The following CCT2 variants were observed in gnomAD, a reference collection of about 807,000 sequenced individuals.
CCT2 encodes chaperonin containing TCP1 subunit 2, also known as T-complex protein 1 subunit beta.
CCT2 carries 18 observed loss-of-function variants against 61.8 expected under a neutral mutation model. The observed-to-expected ratio is 0.29, with a 90% CI of 0.20 to 0.43. The LOEUF (loss-of-function observed/expected upper bound fraction) is 0.43, where lower values mean the gene tolerates loss of function less well. Ranked by LOEUF, CCT2 falls within the 20% of genes least tolerant of loss-of-function variation. CCT2 has a pLI of 1.00. For missense variants in CCT2, 556 were observed against 656.9 expected, an observed-to-expected ratio of 0.85 and a Z score of 1.68; for synonymous variants, 248 against 215.9, an observed-to-expected ratio of 1.15 and a Z score of -1.30.
rs578173150 is a variant in CCT2 at position 69,591,838 on chromosome 12, A to G, written c.650-221A>G. ...TTTCTGCTTATCACTAGAGACAGAA[A>G]CTAAAATCCATGGCTTTCAGGCGCT... On this transcript the variant is annotated intron_variant, in intron 7 of 15. Coordinates refer to ENST00000299300, the MANE Select transcript of CCT2 (RefSeq NM_006431.3). Among the ~76,000 whole-genome samples the G allele has an allele frequency of 1.4e-3, 212 of 152,248 alleles. 1 individual carries two copies. The highest frequency in any genetic ancestry group is 5.0e-3 in the African/African-American group (209 of 41,544).
intron 8 of CCT2, 60 bp downstream of exon 8, chr12:69,592,219 G>A: frequency 7.5e-6 from 7 of 938,610 alleles, no homozygotes; most frequent in Middle Eastern, 2.3e-4. Context: ...GCTCATGCCT[G>A]TAATCCTAGC....
chr12:69,586,630 T>A, intron 2 of CCT2, 123 bp from the exon 3 acceptor site: 1 of 735,070 alleles, frequency 1.4e-6, no homozygotes. Context: ...ATCGCGCCAT[T>A]GCACTCCAGC....
intron 15 of CCT2, among the ~76,000 whole-genome samples, 200 bp from the exon 16 acceptor site, chr12:69,601,095 C>T (rs1274786382): frequency 2.0e-5 from 3 of 152,138 alleles, no homozygotes; most frequent in African/African-American, 7.2e-5. Flanking sequence ...ACTTGGTCAC[C>T]TCTTAAAAGC....
At chr12:69,600,050 AAT>A in intron 15 of CCT2, 46 bp downstream of exon 15, 3 of 1,521,472 alleles carry the variant, frequency 2.0e-6, no homozygotes, top group Admixed American at 1.9e-5. Context: ...AGCAAAACAA[AAT>A]AGGGAGCTGT....
chr12:69,586,307 C>T lies in CCT2; in HGVS notation c.41C>T (p.Ala14Val). Residue 14 changes from alanine to valine, a missense_variant, in exon 2 of 16, where the codon GCA becomes GTA. By Grantham distance (64) the Ala-to-Val change is moderately conservative. Around this residue, in one of 3 missense-constraint regions of CCT2, gnomAD observed 308 missense variants for 350.6 expected, o/e 0.88. Coordinates refer to ENST00000299300, the MANE Select transcript of CCT2 (RefSeq NM_006431.3). ...CTTGCACCTGTTAACATCTTTAAGG[C>T]AGGAGCTGATGAAGAGAGAGCAGAG... ...LSLAPVNIFK[A>V]GADEERAETA... 6.2e-7 allele frequency: 1 copy of T among 1,613,608 alleles called. No homozygotes were observed. The highest frequency in any genetic ancestry group is 8.5e-7 in the Non-Finnish European group (1 of 1,179,560).
chr12:69,597,941 A>G (rs375503893), intron 12 of CCT2, 27 bp from the exon 13 acceptor site: 994 of 1,574,912 alleles, frequency 6.3e-4, no homozygotes, highest in Middle Eastern at 1.3e-3. Flanking sequence ...AAGCATTGCA[A>G]TATTTTATTG....
Position 69,585,623 on chromosome 12 carries a change from C to T in CCT2, c.3+99C>T, listed in dbSNP as rs1049031617. ...CCTGCTAGGGTCGTAGGCTCCGTTT[C>T]TGTCTCCCCGGCCCTCCGCACATGG... On this transcript the variant is annotated intron_variant, in intron 1 of 15. Transcript: ENST00000299300. 4.0e-5 allele frequency: 62 copies of T among 1,547,354 alleles called. 1 individual carries two copies. The Admixed American group carries it at 4.7e-4, about 12-fold the overall frequency.
At position 69,586,750 on chromosome 12, in the gene CCT2, C is replaced by G. The variant is rs1881675987; in HGVS notation, c.79-3C>G. 6.3e-7 allele frequency: 1 copy of G among 1,593,124 alleles called. No individual in the cohort carries two copies. Among genetic ancestry groups the G allele is most frequent in the African/African-American group, 1.4e-5 (1 of 73,624 alleles). On this transcript the variant is annotated splice_polypyrimidine_tract_variant and splice_region_variant and intron_variant, in intron 2 of 15. Coordinates refer to ENST00000299300, the MANE Select transcript of CCT2 (RefSeq NM_006431.3). ...CTGATAATCTCCTTGGTTTTTACTC[C>G]AGACTTCTTTTATTGGTGCCATCGC...
intron 15 of CCT2, 125 bp downstream of exon 15, chr12:69,600,129 A>G: frequency 2.2e-6 from 2 of 901,060 alleles, no homozygotes; most frequent in Non-Finnish European, 3.2e-6. Context: ...TATGTAAGTT[A>G]TTTAAAATAT....
In CCT2 at chr12:69,597,370, A is replaced by G. The variant is rs1882021966; in HGVS notation, c.1102+95A>G. 2.9e-6 allele frequency: 4 copies of G among 1,390,014 alleles called. No individual in the cohort carries two copies. The African/African-American group carries it at 4.3e-5, about 15-fold the overall frequency. 86.1% of individuals were successfully genotyped at this position (1,390,014 alleles called of 1,614,324 possible). On this transcript the variant is annotated intron_variant, in intron 11 of 15. Coordinates refer to ENST00000299300, the MANE Select transcript of CCT2 (RefSeq NM_006431.3). Reference sequence around the variant, plus strand: ...TGTAGTTACTAGAATAGCATATCTTACAAGTCTTAACTCTTCAGAAGCATG... The same window carrying G: ...TGTAGTTACTAGAATAGCATATCTTGCAAGTCTTAACTCTTCAGAAGCATG...
chr12:69,585,712 G>A (rs980229496), intron 1 of CCT2, 188 bp downstream of exon 1: 2 of 1,480,280 alleles, frequency 1.4e-6, no homozygotes, highest in Admixed American at 2.3e-5. Context: ...CCACGAGGGG[G>A]AGGGGTGGAC....
At chr12:69,601,199 A>T in intron 15 of CCT2, 96 bp from the exon 16 acceptor site, 1 of 1,006,002 alleles carries the variant, frequency 9.9e-7, no homozygotes, top group Non-Finnish European at 1.5e-6. Flanking sequence ...TAACAGTTTT[A>T]ATACAGGATT....
At position 69,586,836 on chromosome 12, in the gene CCT2, GT is replaced by G; in HGVS notation, c.144+22del. On this transcript the variant is annotated intron_variant, in intron 3 of 15. Transcript: ENST00000299300. The stretch of plus-strand genomic sequence containing the variant: ...AAGGCATGGTAAGAAAAATAGAAAA[GT>G]TTTATATTTTAATATTGTTTTAGAG... The G allele has an allele frequency of 6.7e-7, 1 of 1,502,280 alleles. No homozygotes were observed. Among genetic ancestry groups the G allele is most frequent in the Non-Finnish European group, 9.1e-7 (1 of 1,099,784 alleles). 93.1% of individuals were successfully genotyped at this position (1,502,280 alleles called of 1,614,324 possible).
At chr12:69,590,910 G>T (rs1881816368) in intron 7 of CCT2, among the ~76,000 whole-genome samples, 1 of 151,210 alleles carries the variant, frequency 6.6e-6, no homozygotes, top group Non-Finnish European at 1.5e-5. Flanking sequence ...GTAGAGACGG[G>T]GTATCGCCAT....
intron 6 of CCT2, 33 bp from the exon 7 acceptor site, chr12:69,589,452 G>A: frequency 1.3e-6 from 2 of 1,520,778 alleles, no homozygotes; most frequent in Non-Finnish European, 1.8e-6. Flanking sequence ...AGTAAAGTAG[G>A]GTTAATATGT....
chr12:69,589,571 A>G lies in CCT2; in HGVS notation c.533A>G (p.His178Arg), dbSNP rs750198798. Residue 178 changes from histidine (H) to arginine (R), a missense_variant, in exon 7 of 16, where the codon CAC becomes CGC. By Grantham distance (29) the His-to-Arg change is conservative. This residue lies in a region of CCT2 where 308 missense variants were observed against 350.6 expected (regional missense o/e 0.88). Coordinates refer to ENST00000299300, the MANE Select transcript of CCT2 (RefSeq NM_006431.3). ...AAACTTCTTACTCATCACAAAGACC[A>G]CTTTACAAAGTTAGCTGTAGAAGCA... ...SSKLLTHHKD[H>R]FTKLAVEAVL... The G allele has an allele frequency of 6.8e-6, 11 of 1,613,958 alleles. No homozygotes were observed. The South Asian group carries it at 1.2e-4, about 18-fold the overall frequency.
At chr12:69,589,444 T>C (rs369472406) in intron 6 of CCT2, 41 bp from the exon 7 acceptor site, 1 of 1,482,254 alleles carries the variant, frequency 6.7e-7, no homozygotes, top group Non-Finnish European at 9.4e-7. Flanking sequence ...TTTTGAAAAG[T>C]AAAGTAGGGT....
intron 14 of CCT2, among the ~76,000 whole-genome samples, chr12:69,598,950 T>C (rs1212645104): frequency 6.6e-6 from 1 of 152,176 alleles, no homozygotes; most frequent in Non-Finnish European, 1.5e-5. Context: ...AGTTAATCTG[T>C]GAGAAAATGA....
At position 69,601,028 on chromosome 12, in the gene CCT2, T is replaced by G. The variant is rs1012410409; in HGVS notation, c.1578-267T>G. ...CTGAGTGGCTAGCTCAGGTCTGTCT[T>G]CCTCCTCACCTAAAGCCAGCAGTCC... On this transcript the variant is annotated intron_variant, in intron 15 of 15. Transcript: ENST00000299300. Among the ~76,000 whole-genome samples, 6 of 152,074 alleles carry G rather than the reference T, an allele frequency of 3.9e-5. No homozygotes were observed. The South Asian group carries it at 8.3e-4, about 21-fold the overall frequency.
Sources: allele counts gnomAD v4.1 joint callset (sites outside exome capture counted in the v4.1 genomes callset), GRCh38; gene constraint gnomAD v4.1.1; regional missense constraint gnomAD v4.1.1; transcripts MANE v1.5; gene names NCBI Gene and HGNC (gene_info 2026-07-23, HGNC 2026-07-21).